KCNAB2: variants seen among roughly 807,000 people sequenced by gnomAD.
The protein encoded by KCNAB2 is potassium voltage-gated channel subfamily A regulatory beta subunit 2.
KCNAB2 carries 29 observed loss-of-function variants against 63.6 expected under a neutral mutation model. The ratio of observed to expected loss-of-function variants is 0.46; its 90% CI spans 0.34 to 0.62. The LOEUF (loss-of-function observed/expected upper bound fraction) is 0.62. Among genes scored for constraint, KCNAB2 ranks in the 20% least tolerant of loss-of-function variants. KCNAB2 has a pLI of 0.01. For missense variants in KCNAB2, 359 were observed against 563.9 expected (o/e 0.64, Z 3.68); for synonymous variants, 222 against 224.2 (o/e 0.99, Z 0.09).
At chr1:6,021,861 G>A (rs1211182716) in intron 1 of KCNAB2, among the ~76,000 whole-genome samples, 3 of 151,838 alleles carry the variant, frequency 2.0e-5, no homozygotes, top group African/African-American at 7.3e-5. Flanking sequence ...CAGTGGTATT[G>A]AGGGTATGGT....
intron 1 of KCNAB2, among the ~76,000 whole-genome samples, chr1:6,022,219 A>G (rs953825272): frequency 6.7e-5 from 10 of 149,986 alleles, no homozygotes; most frequent in Non-Finnish European, 1.2e-4. Flanking sequence ...TATTGAGTGT[A>G]CAGTTCAGTG....
At chr1:6,036,372 G>A (rs1660038422) in intron 1 of KCNAB2, among the ~76,000 whole-genome samples, 3 of 152,072 alleles carry the variant, frequency 2.0e-5, no homozygotes, top group Admixed American at 2.0e-4. Context: ...GCATGGTGGT[G>A]CACGTCTGTA....
intron 1 of KCNAB2, among the ~76,000 whole-genome samples, chr1:6,022,810 T>A (rs973969302): frequency 6.6e-6 from 1 of 152,100 alleles, no homozygotes; most frequent in Non-Finnish European, 1.5e-5. Flanking sequence ...TTGTACCATA[T>A]GTCAGCATTT....
At chr1:6,000,565 C>T (rs1185805834) in intron 1 of KCNAB2, among the ~76,000 whole-genome samples, 4 of 151,654 alleles carry the variant, frequency 2.6e-5, no homozygotes, top group African/African-American at 7.3e-5. Flanking sequence ...CAGGCGAGCC[C>T]GCTCCTGTGA....
chr1:6,061,287 C>T (rs942049023), intron 2 of KCNAB2, among the ~76,000 whole-genome samples: 2 of 152,236 alleles, frequency 1.3e-5, no homozygotes, highest in African/African-American at 4.8e-5. Context: ...GTCAACCAGC[C>T]ACGCTCCATG....
At chr1:6,081,053 G>A (rs1310598751) in intron 4 of KCNAB2, among the ~76,000 whole-genome samples, 1 of 152,230 alleles carries the variant, frequency 6.6e-6, no homozygotes, top group Non-Finnish European at 1.5e-5. Context: ...GCCTCTTGGA[G>A]GGAGCTGTCA....
At chr1:6,055,174 A>G (rs149629250) in intron 2 of KCNAB2, among the ~76,000 whole-genome samples, 27 of 152,230 alleles carry the variant, frequency 1.8e-4, no homozygotes, top group African/African-American at 5.8e-4. Flanking sequence ...TAATTTGGGG[A>G]TCTTTGTAAT....
At position 6,069,019 on chromosome 1, in the gene KCNAB2, G is replaced by A. The variant is rs1371517621; in HGVS notation, c.219-3736G>A. ...CCCGAGAGTCTGACCCCAGGGCCTG[G>A]GCTTCTCACCCCTGAATTACTACCC... On this transcript the variant is annotated intron_variant, in intron 2 of 15. Coordinates refer to ENST00000378083, the MANE Select transcript of KCNAB2 (RefSeq NM_001199862.2). This position sits in a 1 kb window ranked among gnomAD's most constrained non-coding sequence, Gnocchi z 5.4. Among the ~76,000 whole-genome samples, 1 of 152,102 alleles carries A rather than the reference G, an allele frequency of 6.6e-6. No homozygotes were observed. The highest frequency in any genetic ancestry group is 1.5e-5 in the Non-Finnish European group (1 of 68,020).
At chr1:6,084,993 C>T (rs75310325) in intron 5 of KCNAB2, among the ~76,000 whole-genome samples, 1 of 152,158 alleles carries the variant, frequency 6.6e-6, no homozygotes, top group African/African-American at 2.4e-5. Context: ...CCACAGCCAT[C>T]CTAGTGGGGG....
At chr1:6,077,493 A>G (rs1663765225) in intron 4 of KCNAB2, among the ~76,000 whole-genome samples, 1 of 152,142 alleles carries the variant, frequency 6.6e-6, no homozygotes, top group Admixed American at 6.5e-5. Context: ...GTTTTTGCTG[A>G]GGGACAGGTG....
rs542172704 is a variant in KCNAB2 at position 6,001,626 on chromosome 1, A to T, written c.-53+8838A>T. 3.3e-5 allele frequency among the ~76,000 whole-genome samples: 5 copies of T among 152,248 alleles called. No homozygotes were observed. In the East Asian group the frequency reaches 9.7e-4, roughly 29 times the overall value. On this transcript the variant is annotated intron_variant, in intron 1 of 16. Transcript: ENST00000341524. ...TGAGCAGCAGGAGAGGTGGCACCTC[A>T]GGTCAGGGGACGCTTCCCCCCAGGC...
chr1:6,061,139 A>G (rs1474116501), intron 2 of KCNAB2, among the ~76,000 whole-genome samples: 7 of 152,160 alleles, frequency 4.6e-5, no homozygotes, highest in Non-Finnish European at 1.0e-4. Context: ...TCTGTGGTGC[A>G]CTCCAGGGAC....
At chr1:6,030,543 G>A (rs552141718), upstream of KCNAB2, among the ~76,000 whole-genome samples, 1 of 151,474 alleles carries the variant, frequency 6.6e-6, no homozygotes, top group East Asian at 1.9e-4. Context: ...GTGTACATAT[G>A]TGTGTATGTG....
At chr1:6,084,414 C>T (rs1664468676) in intron 5 of KCNAB2, among the ~76,000 whole-genome samples, 1 of 152,230 alleles carries the variant, frequency 6.6e-6, no homozygotes, top group African/African-American at 2.4e-5. Flanking sequence ...TATACACACA[C>T]ATATACACAA....
At chr1:6,042,732 C>T (rs74778658), upstream of KCNAB2, among the ~76,000 whole-genome samples, 143 of 152,244 alleles carry the variant, frequency 9.4e-4, 1 homozygote, top group East Asian at 0.024. Context: ...TATTCGGACC[C>T]GGACATCTGG....
intron 8 of KCNAB2, among the ~76,000 whole-genome samples, chr1:6,089,864 AT>A (rs555585856): frequency 2.6e-5 from 4 of 151,908 alleles, no homozygotes; most frequent in Non-Finnish European, 4.4e-5. Context: ...CATCTGGTTA[AT>A]TTTTTTTGTA....
chr1:6,014,216 G>C (rs1207549980), intron 1 of KCNAB2, among the ~76,000 whole-genome samples: 1 of 152,114 alleles, frequency 6.6e-6, no homozygotes, highest in East Asian at 1.9e-4. Flanking sequence ...TCCTTCTCCT[G>C]CACCCACTGT....
chr1:6,055,972 C>A (rs1301122556), intron 2 of KCNAB2, among the ~76,000 whole-genome samples: 1 of 152,216 alleles, frequency 6.6e-6, no homozygotes, highest in African/African-American at 2.4e-5. Context: ...ACCAGCTGTG[C>A]CCCTGGCCTG....
rs140265530 is a variant in KCNAB2, at chr1:6,069,576, T to C, written c.219-3179T>C. 2.2e-3 allele frequency among the ~76,000 whole-genome samples: 331 copies of C among 152,302 alleles called. 1 individual carries two copies. Among genetic ancestry groups the C allele is most frequent in the African/African-American group, 7.6e-3 (314 of 41,564 alleles). On this transcript the variant is annotated intron_variant, in intron 2 of 15. Transcript: ENST00000378083. This position sits in a 1 kb window ranked among gnomAD's most constrained non-coding sequence, Gnocchi z 5.4. ...ATGTTGACCACCTGCTTCATTAGGATGTCAGGTTTCAACGATGGGGAAGAA... is the reference window on the plus strand; with the variant it reads ...ATGTTGACCACCTGCTTCATTAGGACGTCAGGTTTCAACGATGGGGAAGAA...
Sources: allele counts gnomAD v4.1 joint callset (sites outside exome capture counted in the v4.1 genomes callset), GRCh38; gene constraint gnomAD v4.1.1; non-coding constraint Gnocchi (gnomAD v3.1); transcripts MANE v1.5; gene names NCBI Gene and HGNC (gene_info 2026-07-23, HGNC 2026-07-21).